The following RABGAP1L variants were observed in gnomAD, a reference collection of about 807,000 sequenced individuals.
RABGAP1L encodes the protein RAB GTPase activating protein 1 like, also known as rab GTPase-activating protein 1-like.
Under a neutral mutation model 137.7 loss-of-function variants are expected in RABGAP1L, and 63 were observed. The ratio of observed to expected loss-of-function variants is 0.46; its 90% CI spans 0.37 to 0.56. The LOEUF (loss-of-function observed/expected upper bound fraction) is 0.56, where lower values mean the gene tolerates loss of function less well. Ranked by LOEUF, RABGAP1L falls within the 20% of genes least tolerant of loss-of-function variation. The pLI, the probability that RABGAP1L is intolerant of heterozygous loss-of-function variation, is 0.00. For missense variants in RABGAP1L, 1,095 were observed against 1,244.0 expected (o/e 0.88, Z 1.80); for synonymous variants, 431 against 433.7 (o/e 0.99, Z 0.08).
chr1:174,687,495 T>C (rs772211678), intron 15 of RABGAP1L, among the ~76,000 whole-genome samples: 9 of 152,232 alleles, frequency 5.9e-5, no homozygotes, highest in Non-Finnish European at 1.0e-4. Context: ...TTCTGTTAAT[T>C]AGCATATTCC....
chr1:174,612,678 T>C (rs1671378092), intron 13 of RABGAP1L, among the ~76,000 whole-genome samples: 1 of 152,180 alleles, frequency 6.6e-6, no homozygotes, highest in Non-Finnish European at 1.5e-5. Context: ...TGTGAATCCA[T>C]CTGGTCCTGG....
chr1:174,284,301 G>GTT (rs985209585), intron 10 of RABGAP1L, among the ~76,000 whole-genome samples: 5 of 152,128 alleles, frequency 3.3e-5, no homozygotes, highest in Admixed American at 3.3e-4. Context: ...GTTTCTATGA[G>GTT]TTTAACTTTT....
At chr1:174,184,482 A>G (rs1666646094) in intron 1 of RABGAP1L, among the ~76,000 whole-genome samples, 1 of 152,242 alleles carries the variant, frequency 6.6e-6, no homozygotes, top group Non-Finnish European at 1.5e-5. Flanking sequence ...TATCTTCCAA[A>G]GTAGCTGTAT....
At position 174,204,882 on chromosome 1, in the gene RABGAP1L, G is replaced by A. The variant is rs75383357; in HGVS notation, c.-33-14243G>A. On this transcript the variant is annotated intron_variant, in intron 1 of 25. Coordinates refer to ENST00000681986, the MANE Select transcript of RABGAP1L (RefSeq NM_001366446.1). Reference sequence around the variant, plus strand: ...GGTAAGATGTGCTTCTTTGCCCTTCGCCTTCTGCTATGATTGTTAAGTTTT... The same window carrying A: ...GGTAAGATGTGCTTCTTTGCCCTTCACCTTCTGCTATGATTGTTAAGTTTT... Among the ~76,000 whole-genome samples, 267 of 152,038 alleles carry A rather than the reference G, an allele frequency of 1.8e-3. 1 individual carries two copies. In the East Asian group the frequency reaches 0.027, roughly 16 times the overall value.
rs1413278645 is a variant in RABGAP1L at position 174,176,740 on chromosome 1, A to AT, written c.-34+17083_-34+17084insT. ...AAAAAAAAAAAAAAAAAAAAAAAAA[A>AT]AAAAAAGGTCAACATTTGTTAATAC... On this transcript the variant is annotated intron_variant, in intron 1 of 25. Coordinates refer to ENST00000681986, the MANE Select transcript of RABGAP1L (RefSeq NM_001366446.1). Among the ~76,000 whole-genome samples, 100 of 146,150 alleles carry AT rather than the reference A, an allele frequency of 6.8e-4. 4 individuals carry two copies. The highest frequency in any genetic ancestry group is 1.9e-3 in the African/African-American group (74 of 38,528).
At chr1:174,613,800 A>T (rs976307513) in intron 13 of RABGAP1L, among the ~76,000 whole-genome samples, 2 of 152,082 alleles carry the variant, frequency 1.3e-5, no homozygotes, top group African/African-American at 2.4e-5. Context: ...TGATCCCTTT[A>T]CCATTATGTA....
intron 12 of RABGAP1L, among the ~76,000 whole-genome samples, chr1:174,378,176 A>G (rs1685743280): frequency 6.8e-6 from 1 of 147,836 alleles, no homozygotes; most frequent in African/African-American, 2.5e-5. Flanking sequence ...TTCTTAATCC[A>G]GTCTATCATT....
chr1:174,327,984 C>CATATATATATATATGTAT (rs1314813386), intron 11 of RABGAP1L, among the ~76,000 whole-genome samples: 11 of 37,876 alleles, frequency 2.9e-4, no homozygotes. Flanking sequence ...TATATACACA[C>CATATATATATATATGTAT]ACATATATAT....
chr1:174,452,241 C>A (rs889617830), intron 13 of RABGAP1L, among the ~76,000 whole-genome samples: 3 of 152,012 alleles, frequency 2.0e-5, no homozygotes, highest in Non-Finnish European at 4.4e-5. Flanking sequence ...ATTCTGTATT[C>A]TTTTTCCTAA....
At chr1:174,699,003 A>T (rs553686293) in intron 15 of RABGAP1L, among the ~76,000 whole-genome samples, 1,725 of 147,992 alleles carry the variant, frequency 0.012, 39 homozygotes, top group African/African-American at 0.038. Context: ...ATTTTATTTT[A>T]TTTTTTTTTT....
chr1:174,616,284 T>C (rs1671852687), intron 13 of RABGAP1L, among the ~76,000 whole-genome samples: 1 of 152,208 alleles, frequency 6.6e-6, no homozygotes, highest in Non-Finnish European at 1.5e-5. Flanking sequence ...ATCCTTGTCA[T>C]TATCTTTGGT....
At chr1:174,927,452 A>G (rs1663032894) in intron 19 of RABGAP1L, among the ~76,000 whole-genome samples, 1 of 152,068 alleles carries the variant, frequency 6.6e-6, no homozygotes, top group Admixed American at 6.6e-5. Flanking sequence ...CTGGTCTCGA[A>G]CTCCTGAGCT....
chr1:174,741,747 C>T (rs1386965939), intron 17 of RABGAP1L, among the ~76,000 whole-genome samples: 1 of 143,384 alleles, frequency 7.0e-6, no homozygotes. Flanking sequence ...TTTTGTTCTA[C>T]TGGTCTATGT....
Position 174,883,362 on chromosome 1 carries a change from T to C in RABGAP1L, c.2340+71402T>C, listed in dbSNP as rs1484647910. Among the ~76,000 whole-genome samples the C allele has an allele frequency of 2.0e-5, 3 of 152,164 alleles. 1 individual carries two copies. Among genetic ancestry groups the C allele is most frequent in the Non-Finnish European group, 1.5e-5 (1 of 68,038 alleles). ...ATAAGGGAGGAACTAATCAGACTAT[T>C]TGAAGAAGGTCTAAAGGAAGAAGTG... is the stretch of plus-strand genomic sequence containing the variant. On this transcript the variant is annotated intron_variant, in intron 19 of 25. Coordinates refer to ENST00000681986, the MANE Select transcript of RABGAP1L (RefSeq NM_001366446.1).
intron 10 of RABGAP1L, among the ~76,000 whole-genome samples, chr1:174,290,575 G>A (rs571341635): frequency 2.0e-5 from 3 of 152,110 alleles, no homozygotes; most frequent in Non-Finnish European, 4.4e-5. Flanking sequence ...ACTAGAGCTT[G>A]GGACCTCCTA....
chr1:174,619,173 C>G (rs2148258508), intron 13 of RABGAP1L, among the ~76,000 whole-genome samples: 1 of 152,296 alleles, frequency 6.6e-6, no homozygotes, highest in African/African-American at 2.4e-5. Context: ...ACAGGTGTAC[C>G]TGAAAGCGAC....
At chr1:174,476,937 A>T (rs999315153) in intron 13 of RABGAP1L, among the ~76,000 whole-genome samples, 1 of 152,192 alleles carries the variant, frequency 6.6e-6, no homozygotes, top group Non-Finnish European at 1.5e-5. Context: ...TCCTAGTGGC[A>T]GAAGACGTTC....
chr1:174,204,413 C>T (rs1304771330), intron 1 of RABGAP1L, among the ~76,000 whole-genome samples: 1 of 152,150 alleles, frequency 6.6e-6, no homozygotes, highest in Non-Finnish European at 1.5e-5. Context: ...TTACTCTTGC[C>T]TAATTGCTCT....
At chr1:174,710,883 A>G (rs1572884856) in intron 17 of RABGAP1L, among the ~76,000 whole-genome samples, 1 of 152,356 alleles carries the variant, frequency 6.6e-6, no homozygotes, top group East Asian at 1.9e-4. Flanking sequence ...CAAATTGGAT[A>G]AAGAGTCAAG....
Sources: allele counts gnomAD v4.1 joint callset (sites outside exome capture counted in the v4.1 genomes callset), GRCh38; gene constraint gnomAD v4.1.1; transcripts MANE v1.5; gene names NCBI Gene and HGNC (gene_info 2026-07-23, HGNC 2026-07-21).